Variants in AGMO observed in about 807,000 individuals in gnomAD.
AGMO encodes the protein glyceryl-ether monooxygenase.
AGMO carries 75 observed loss-of-function variants against 60.2 expected under a neutral mutation model. The observed-to-expected ratio is 1.25, with a 90% CI of 1.03 to 1.51. The LOEUF is 1.51. Ranked by LOEUF, AGMO falls within the 40% of genes most tolerant of loss-of-function variation. The pLI is 0.00. For missense variants in AGMO, 763 were observed against 525.5 expected (o/e 1.45, Z -4.42); for synonymous variants, 261 against 177.1 (o/e 1.47, Z -3.76).
At position 15,256,226 on chromosome 7, in the gene AGMO, G is replaced by A. The variant is rs755836009; in HGVS notation, c.1264-54867C>T. On this transcript the variant is annotated intron_variant, in intron 12 of 12. Coordinates refer to ENST00000342526, the MANE Select transcript of AGMO (RefSeq NM_001004320.2). The stretch of plus-strand genomic sequence containing the variant: ...GAATCACTGGAGGTGAGCAGCCAGA[G>A]TTTTGTAAAGAACATCTCCATGTAC... Among the ~76,000 whole-genome samples the A allele has an allele frequency of 2.6e-5, 4 of 152,186 alleles. 1 individual carries two copies. Among genetic ancestry groups the A allele is most frequent in the African/African-American group, 7.2e-5 (3 of 41,442 alleles).
the AGMO span, among the ~76,000 whole-genome samples, chr7:15,127,398 C>A: frequency 6.6e-6 from 1 of 152,098 alleles, no homozygotes; most frequent in South Asian, 2.1e-4. Context: ...TTTTCTCAAC[C>A]TTAGAACTTA....
intron 3 of AGMO, among the ~76,000 whole-genome samples, chr7:15,510,558 T>C (rs559291735): frequency 1.3e-5 from 2 of 149,360 alleles, no homozygotes; most frequent in African/African-American, 4.9e-5. Flanking sequence ...CATATATATA[T>C]GTCATATATG....
intron 8 of AGMO, among the ~76,000 whole-genome samples, chr7:15,388,585 T>G (rs1784016535): frequency 6.6e-6 from 1 of 152,198 alleles, no homozygotes; most frequent in African/African-American, 2.4e-5. Flanking sequence ...AAATATTGTT[T>G]TTCACTTATT....
Position 15,390,906 on chromosome 7 carries a change from C to T in AGMO, c.677-1G>A. On this transcript the variant is annotated splice_acceptor_variant, in intron 6 of 12. Coordinates refer to ENST00000342526, the MANE Select transcript of AGMO (RefSeq NM_001004320.2). LOFTEE classifies it high-confidence loss of function. ...TTGTCTATGCAATAACGATTTCTGC[C>T]TATGAGACAAAATATTAGAAATTTT... 1.3e-6 allele frequency: 2 copies of T among 1,579,740 alleles called. No individual in the cohort carries two copies. The highest frequency in any genetic ancestry group is 2.3e-5 in the East Asian group (1 of 44,324).
chr7:15,377,280 T>A (rs2128569484), intron 10 of AGMO, among the ~76,000 whole-genome samples: 1 of 152,200 alleles, frequency 6.6e-6, no homozygotes, highest in Middle Eastern at 3.4e-3. Context: ...TCAAAATTAA[T>A]TTGTGTCAGG....
chr7:15,521,958 C>T lies in AGMO; in HGVS notation c.409+22814G>A, dbSNP rs536806715. ...GTATATTTAGAAAACCCCATCATCT[C>T]AGCCCCAAAATGCCTTAAGCTGATA... is the stretch of plus-strand genomic sequence containing the variant. On this transcript the variant is annotated intron_variant, in intron 3 of 12. Transcript: ENST00000342526. Among the ~76,000 whole-genome samples the T allele has an allele frequency of 2.0e-5, 3 of 152,308 alleles. No individual in the cohort carries two copies. The East Asian group carries it at 5.8e-4, about 29-fold the overall frequency.
rs1782173424 is a variant in AGMO at position 15,462,655 on chromosome 7, G to GT, written c.410-31548dup. Among the ~76,000 whole-genome samples, 10 of 152,174 alleles carry GT rather than the reference G, an allele frequency of 6.6e-5. 1 individual carries two copies. In the South Asian group the frequency reaches 2.1e-3, roughly 32 times the overall value. ...ATTTCTGGTTCACTCACAACAAAAAGTTACAAATTTCTATTCACAAAACTT... is the reference window on the plus strand; with the variant it reads ...ATTTCTGGTTCACTCACAACAAAAAGTTTACAAATTTCTATTCACAAAACTT... On this transcript the variant is annotated intron_variant, in intron 3 of 12. Transcript: ENST00000342526.
intron 3 of AGMO, among the ~76,000 whole-genome samples, chr7:15,460,852 C>G (rs1402794044): frequency 6.6e-6 from 1 of 151,982 alleles, no homozygotes; most frequent in African/African-American, 2.4e-5. Flanking sequence ...GGAAAGTAAT[C>G]TGAATTCTTG....
chr7:15,550,794 G>A (rs1296138474), intron 2 of AGMO, among the ~76,000 whole-genome samples: 1 of 138,132 alleles, frequency 7.2e-6, no homozygotes, highest in African/African-American at 2.8e-5. Flanking sequence ...AGAAAAAGAG[G>A]GAATCCTCCC....
chr7:15,419,673 TG>T (rs1227897375), intron 4 of AGMO, among the ~76,000 whole-genome samples: 8 of 124,144 alleles, frequency 6.4e-5, no homozygotes, highest in Non-Finnish European at 1.1e-4. Context: ...ATAAGTAGAA[TG>T]TTTTTTTTTT....
At chr7:15,283,928 A>G (rs1052928724) in intron 12 of AGMO, among the ~76,000 whole-genome samples, 3 of 152,066 alleles carry the variant, frequency 2.0e-5, no homozygotes, top group Non-Finnish European at 4.4e-5. Flanking sequence ...TCCAAAAGGA[A>G]CCCTCAAACT....
chr7:15,414,070 T>A lies in AGMO; in HGVS notation c.609+4488A>T, dbSNP rs189164646. Among the ~76,000 whole-genome samples the A allele has an allele frequency of 4.7e-4, 72 of 151,618 alleles. No individual in the cohort carries two copies. In the East Asian group the frequency reaches 0.011, roughly 23 times the overall value. ...TCACCCAGGCTGGAGTGCAGTGGTG[T>A]GATCTCGGTTCACTGCAAGCTCCGC... On this transcript the variant is annotated intron_variant, in intron 5 of 12. Coordinates refer to ENST00000342526, the MANE Select transcript of AGMO (RefSeq NM_001004320.2).
chr7:15,480,796 A>G (rs982097623), intron 3 of AGMO, among the ~76,000 whole-genome samples: 1 of 152,144 alleles, frequency 6.6e-6, no homozygotes, highest in African/African-American at 2.4e-5. Flanking sequence ...CAGGAAAGTG[A>G]CAATGATTGG....
intron 12 of AGMO, among the ~76,000 whole-genome samples, chr7:15,228,797 G>C (rs1186454792): frequency 6.6e-6 from 1 of 152,034 alleles, no homozygotes; most frequent in Admixed American, 6.6e-5. Flanking sequence ...TTATCTGTAG[G>C]CATTCTCATC....
chr7:15,207,172 G>C (rs1781461069), intron 12 of AGMO, among the ~76,000 whole-genome samples: 1 of 152,112 alleles, frequency 6.6e-6, no homozygotes, highest in Admixed American at 6.5e-5. Context: ...GAGGTCTCCA[G>C]AGCCTACCCA....
the AGMO span, among the ~76,000 whole-genome samples, chr7:15,172,543 T>C: frequency 8.2e-3 from 1,254 of 152,308 alleles, 26 homozygotes; most frequent in African/African-American, 0.029. Context: ...GACTTAGTTA[T>C]CAAGTTTCTG....
intron 2 of AGMO, among the ~76,000 whole-genome samples, chr7:15,553,070 A>T (rs1785015437): frequency 6.6e-6 from 1 of 150,520 alleles, no homozygotes; most frequent in African/African-American, 2.4e-5. Flanking sequence ...CTATCGCAAG[A>T]ACAAAAAACC....
At chr7:15,426,008 A>G (rs1255807315) in intron 4 of AGMO, among the ~76,000 whole-genome samples, 1 of 152,218 alleles carries the variant, frequency 6.6e-6, no homozygotes, top group Non-Finnish European at 1.5e-5. Flanking sequence ...TTTCTGTTCA[A>G]TACTAGCTTT....
chr7:15,442,643 T>C (rs978161908), intron 3 of AGMO, among the ~76,000 whole-genome samples: 1 of 152,036 alleles, frequency 6.6e-6, no homozygotes, highest in African/African-American at 2.4e-5. Context: ...AGGGAAGTGC[T>C]GGGAGGGAAA....
Sources: gnomAD v4.1 joint callset for allele counts (sites outside exome capture counted in the v4.1 genomes callset) on GRCh38, gnomAD v4.1.1 for gene constraint, MANE v1.5 for transcripts, NCBI Gene and HGNC (gene_info 2026-07-23, HGNC 2026-07-21) for gene names.